The following PCDH15 variants were observed in gnomAD, a reference collection of about 807,000 sequenced individuals.
PCDH15 encodes protocadherin related 15, also known as protocadherin-15.
A neutral mutation model predicts 178.5 loss-of-function variants in PCDH15; 129 were observed. The observed-to-expected ratio is 0.72, with a 90% confidence interval of 0.63 to 0.84. The LOEUF is 0.84. Among genes scored for constraint, PCDH15 ranks in the 40% least tolerant of loss-of-function variants. PCDH15 has a pLI of 0.00. For missense variants in PCDH15, 2,230 were observed against 2,099.9 expected (o/e 1.06, Z -1.21); for synonymous variants, 800 against 732.0 (o/e 1.09, Z -1.50).
chr10:54,835,086 T>C (rs1386874784), intron 3 of PCDH15, among the ~76,000 whole-genome samples: 1 of 152,142 alleles, frequency 6.6e-6, no homozygotes, highest in Non-Finnish European at 1.5e-5. Context: ...AGCTCAGTGC[T>C]CTTATAGTCT....
chr10:55,612,520 C>A (rs1404844240), intron 2 of PCDH15, among the ~76,000 whole-genome samples: 1 of 151,964 alleles, frequency 6.6e-6, no homozygotes, highest in Non-Finnish European at 1.5e-5. Flanking sequence ...GGAAGAAAAT[C>A]AGATATTTTA....
intron 2 of PCDH15, among the ~76,000 whole-genome samples, chr10:55,577,727 T>C (rs374105697): frequency 6.6e-5 from 10 of 152,316 alleles, no homozygotes; most frequent in South Asian, 2.1e-4. Flanking sequence ...TAAAGTCTAA[T>C]GTTAAATTCA....
chr10:54,743,459 C>T lies in PCDH15; in HGVS notation c.-29+57466G>A, dbSNP rs1566101444. The stretch of plus-strand genomic sequence containing the variant: ...ATCCAAAATTTCCTATTTAGAAGGC[C>T]ACATTTGGTTCATGCAAATACGAAA... On this transcript the variant is annotated intron_variant, in intron 1 of 37. Transcript: ENST00000644397. 2.0e-5 allele frequency among the ~76,000 whole-genome samples: 3 copies of T among 151,804 alleles called. No homozygotes were observed. In the South Asian group the frequency reaches 6.2e-4, roughly 31 times the overall value.
intron 1 of PCDH15, among the ~76,000 whole-genome samples, chr10:54,755,310 T>C (rs964310645): frequency 1.3e-5 from 2 of 152,190 alleles, no homozygotes; most frequent in African/African-American, 2.4e-5. Context: ...CCCAGTATAG[T>C]ACGGGAAATA....
At chr10:54,995,925 T>C (rs149440685) in intron 2 of PCDH15, among the ~76,000 whole-genome samples, 29 of 152,260 alleles carry the variant, frequency 1.9e-4, no homozygotes, top group African/African-American at 7.0e-4. Flanking sequence ...AAATCCCTAA[T>C]TTCAGTTGGT....
intron 2 of PCDH15, among the ~76,000 whole-genome samples, chr10:54,631,850 A>G (rs112714042): frequency 8.9e-4 from 136 of 152,222 alleles, no homozygotes; most frequent in African/African-American, 3.2e-3. Flanking sequence ...ATACACTTAT[A>G]AAACCATCAG....
Position 55,515,411 on chromosome 10 carries a change from A to T in PCDH15, c.-156+112214T>A, listed in dbSNP as rs368630690. ...TTATTTCCCATAATCCAAGAAAAAG[A>T]CTTGTTGTAAAAGATTGAATGCAGA... On this transcript the variant is annotated intron_variant, in intron 2 of 5. Coordinates refer to the PCDH15 transcript ENST00000613346. Among the ~76,000 whole-genome samples the T allele has an allele frequency of 3.9e-5, 6 of 152,238 alleles. No homozygotes were observed. The East Asian group carries it at 7.7e-4, about 20-fold the overall frequency.
At chr10:55,308,055 T>C (rs554968752) in intron 1 of PCDH15, among the ~76,000 whole-genome samples, 29 of 152,194 alleles carry the variant, frequency 1.9e-4, no homozygotes, top group Non-Finnish European at 3.2e-4. Context: ...AAAATTACTT[T>C]AAAAAGTTTA....
intron 1 of PCDH15, among the ~76,000 whole-genome samples, chr10:55,232,219 A>G (rs551127988): frequency 6.6e-6 from 1 of 152,112 alleles, no homozygotes; most frequent in East Asian, 1.9e-4. Flanking sequence ...TGTTATATTT[A>G]GATATCATTG....
intron 3 of PCDH15, among the ~76,000 whole-genome samples, chr10:54,852,359 C>T (rs1390923737): frequency 2.6e-5 from 4 of 151,964 alleles, no homozygotes; most frequent in Non-Finnish European, 5.9e-5. Context: ...CCTGGAGAGA[C>T]ACAAACATAA....
chr10:55,197,264 A>T (rs1406073042), intron 1 of PCDH15, among the ~76,000 whole-genome samples: 1 of 152,074 alleles, frequency 6.6e-6, no homozygotes, highest in Non-Finnish European at 1.5e-5. Context: ...CTTACAAATT[A>T]AAAGAGAAAA....
chr10:54,544,810 C>G (rs1026362163), intron 2 of PCDH15, among the ~76,000 whole-genome samples: 1 of 152,164 alleles, frequency 6.6e-6, no homozygotes, highest in Admixed American at 6.5e-5. Context: ...TTAAAAATTT[C>G]TGTTACATTA....
At chr10:54,575,560 T>A (rs2090383545) in intron 2 of PCDH15, among the ~76,000 whole-genome samples, 1 of 152,114 alleles carries the variant, frequency 6.6e-6, no homozygotes, top group Non-Finnish European at 1.5e-5. Flanking sequence ...TCCATCTATA[T>A]CAGAATGATA....
At chr10:54,698,569 G>T (rs770646261) in intron 1 of PCDH15, among the ~76,000 whole-genome samples, 5 of 152,102 alleles carry the variant, frequency 3.3e-5, no homozygotes, top group Non-Finnish European at 7.4e-5. Context: ...CAGCTGTGCT[G>T]CCTTACAGAA....
chr10:54,076,206 T>C (rs936260597), intron 17 of PCDH15, among the ~76,000 whole-genome samples: 4 of 152,184 alleles, frequency 2.6e-5, no homozygotes, highest in African/African-American at 9.6e-5. Context: ...GAGTATTTTA[T>C]TCTTTTGGAT....
chr10:55,011,649 A>C (rs1285329127), intron 2 of PCDH15, among the ~76,000 whole-genome samples: 1 of 152,138 alleles, frequency 6.6e-6, no homozygotes, highest in East Asian at 1.9e-4. Context: ...TCAATTTTTC[A>C]ATTTAAACAA....
chr10:55,028,240 T>C (rs1432427160), intron 2 of PCDH15, among the ~76,000 whole-genome samples: 1 of 151,848 alleles, frequency 6.6e-6, no homozygotes, highest in Non-Finnish European at 1.5e-5. Context: ...TGGCTAAAAA[T>C]AGTGGAACTA....
chr10:54,338,426 C>T (rs1490999256), intron 6 of PCDH15, among the ~76,000 whole-genome samples: 1 of 152,116 alleles, frequency 6.6e-6, no homozygotes, highest in African/African-American at 2.4e-5. Context: ...CATATATACA[C>T]ACACACAGAA....
In PCDH15 at chr10:54,773,878, T is replaced by C. The variant is rs11004567; in HGVS notation, c.-29+27047A>G. Among the ~76,000 whole-genome samples, 961 of 152,212 alleles carry C rather than the reference T, an allele frequency of 6.3e-3. 20 individuals carry two copies. The highest frequency in any genetic ancestry group is 0.056 in the East Asian group (288 of 5,182). On this transcript the variant is annotated intron_variant, in intron 1 of 37. Coordinates refer to ENST00000644397, the MANE Select transcript of PCDH15 (RefSeq NM_001384140.1). The stretch of plus-strand genomic sequence containing the variant: ...GGAGCATCATACAATAAAAATGAAC[T>C]GATTTCTTATGAAGTCAGCTTCAAA...
Sources: gnomAD v4.1 joint callset for allele counts (sites outside exome capture counted in the v4.1 genomes callset) on GRCh38, gnomAD v4.1.1 for gene constraint, MANE v1.5 for transcripts, NCBI Gene and HGNC (gene_info 2026-07-23, HGNC 2026-07-21) for gene names.